Variants in ADAMTS19 observed in about 807,000 individuals in gnomAD.
ADAMTS19 encodes the protein ADAM metallopeptidase with thrombospondin type 1 motif 19.
In ADAMTS19, 93 loss-of-function variants were observed where a neutral mutation model predicts 153.3. The observed-to-expected ratio is 0.61, with a 90% CI of 0.51 to 0.72. ADAMTS19 has a LOEUF of 0.72. ADAMTS19 is among the 30% of genes least tolerant of loss of function. The pLI, the probability that ADAMTS19 is intolerant of heterozygous loss-of-function variation, is 0.00. For missense variants in ADAMTS19, 1,482 were observed against 1,552.1 expected (o/e 0.95, Z 0.76); for synonymous variants, 600 against 556.6 (o/e 1.08, Z -1.10).
chr5:129,613,605 C>G (rs530264801), intron 8 of ADAMTS19, among the ~76,000 whole-genome samples: 1 of 152,024 alleles, frequency 6.6e-6, no homozygotes, highest in Non-Finnish European at 1.5e-5. Context: ...AATTGACACC[C>G]TAACATCACA....
intron 10 of ADAMTS19, among the ~76,000 whole-genome samples, chr5:129,630,406 G>A (rs762842868): frequency 7.2e-5 from 11 of 152,156 alleles, no homozygotes; most frequent in Non-Finnish European, 1.3e-4. Context: ...GTTGACGAAA[G>A]GAGAGACTTA....
chr5:129,481,652 T>G (rs998751059), intron 2 of ADAMTS19, among the ~76,000 whole-genome samples: 1 of 152,182 alleles, frequency 6.6e-6, no homozygotes, highest in Non-Finnish European at 1.5e-5. Context: ...TAGCCCACAT[T>G]TCACCTAGTC....
chr5:129,473,812 G>A (rs1358725566), intron 2 of ADAMTS19, among the ~76,000 whole-genome samples: 4 of 151,946 alleles, frequency 2.6e-5, no homozygotes, highest in Non-Finnish European at 5.9e-5. Flanking sequence ...AGTAAGATAC[G>A]TTCATGGATA....
chr5:129,720,263 C>T (rs145456288), intron 21 of ADAMTS19, among the ~76,000 whole-genome samples: 159 of 151,136 alleles, frequency 1.1e-3, no homozygotes, highest in African/African-American at 3.7e-3. Flanking sequence ...CCTCCGCCTC[C>T]AGGGTTCAAG....
intron 6 of ADAMTS19, among the ~76,000 whole-genome samples, chr5:129,536,839 C>A (rs995688344): frequency 1.3e-5 from 2 of 150,156 alleles, no homozygotes; most frequent in African/African-American, 4.9e-5. Context: ...TGTTCTCACT[C>A]ATAGGTGGGA....
At chr5:129,545,220 T>C (rs1441169268) in intron 6 of ADAMTS19, among the ~76,000 whole-genome samples, 2 of 152,164 alleles carry the variant, frequency 1.3e-5, no homozygotes, top group African/African-American at 4.8e-5. Context: ...ATTTGAAAAC[T>C]GATGAAAATA....
chr5:129,548,250 G>A (rs1752933985), intron 6 of ADAMTS19, among the ~76,000 whole-genome samples: 3 of 149,580 alleles, frequency 2.0e-5, no homozygotes, highest in Admixed American at 2.0e-4. Context: ...CCTACAAAAT[G>A]GGAGAAAATT....
chr5:129,573,237 G>A (rs528476572), intron 7 of ADAMTS19, among the ~76,000 whole-genome samples: 39 of 151,996 alleles, frequency 2.6e-4, no homozygotes, highest in Non-Finnish European at 2.5e-4. Context: ...ATTTTTTGCA[G>A]ATTTTAGTGA....
At chr5:129,717,851 A>G (rs1756800905) in intron 21 of ADAMTS19, among the ~76,000 whole-genome samples, 1 of 152,224 alleles carries the variant, frequency 6.6e-6, no homozygotes, top group African/African-American at 2.4e-5. Flanking sequence ...AACAAAAAAC[A>G]CACAGTTCTC....
At chr5:129,702,949 T>G in intron 20 of ADAMTS19, among the ~76,000 whole-genome samples, 1 of 25,070 alleles carries the variant, frequency 4.0e-5, no homozygotes, top group South Asian at 1.5e-3. Context: ...AAAATATATA[T>G]ATATATATAT....
intron 2 of ADAMTS19, among the ~76,000 whole-genome samples, chr5:129,490,374 C>G (rs547477454): frequency 6.6e-6 from 1 of 152,132 alleles, no homozygotes; most frequent in Non-Finnish European, 1.5e-5. Flanking sequence ...CCTATAACCT[C>G]CAATTTCCTA....
chr5:129,707,652 C>T (rs1375685815), intron 21 of ADAMTS19, among the ~76,000 whole-genome samples: 1 of 152,198 alleles, frequency 6.6e-6, no homozygotes, highest in Non-Finnish European at 1.5e-5. Flanking sequence ...ACACAAATCT[C>T]TTATTCTTAT....
At chr5:129,537,541 G>A (rs1581056046) in intron 6 of ADAMTS19, among the ~76,000 whole-genome samples, 1 of 152,074 alleles carries the variant, frequency 6.6e-6, no homozygotes, top group Admixed American at 6.6e-5. Context: ...GTCCAACAAT[G>A]ATAGACTGGA....
intron 2 of ADAMTS19, among the ~76,000 whole-genome samples, chr5:129,504,473 T>C (rs1751204190): frequency 6.6e-6 from 1 of 152,228 alleles, no homozygotes; most frequent in Non-Finnish European, 1.5e-5. Flanking sequence ...AATCAATTAA[T>C]GTGTCTGTTA....
chr5:129,698,033 T>C (rs1755642682), intron 19 of ADAMTS19, among the ~76,000 whole-genome samples: 1 of 152,184 alleles, frequency 6.6e-6, no homozygotes, highest in Admixed American at 6.5e-5. Flanking sequence ...ACACTATTTA[T>C]TTTTCATTCC....
At chr5:129,702,869 G>A (rs1321614555) in intron 20 of ADAMTS19, among the ~76,000 whole-genome samples, 4 of 141,560 alleles carry the variant, frequency 2.8e-5, no homozygotes, top group African/African-American at 1.1e-4. Flanking sequence ...TTGAAAAAAC[G>A]TCTATTGTTT....
At chr5:129,704,441 A>G (rs1756054268) in intron 21 of ADAMTS19, 50 bp downstream of exon 21, 1 of 1,585,452 alleles carries the variant, frequency 6.3e-7, no homozygotes, top group Non-Finnish European at 8.6e-7. Flanking sequence ...TAATGTCAGC[A>G]TTGCCCTGGG....
chr5:129,566,272 T>C (rs1333647695), intron 7 of ADAMTS19, among the ~76,000 whole-genome samples: 2 of 152,134 alleles, frequency 1.3e-5, no homozygotes, highest in Non-Finnish European at 2.9e-5. Flanking sequence ...ATTTGCATCA[T>C]AGAAAAAAAA....
At chr5:129,487,721 T>A (rs1158334999) in intron 2 of ADAMTS19, among the ~76,000 whole-genome samples, 1 of 152,116 alleles carries the variant, frequency 6.6e-6, no homozygotes, top group Non-Finnish European at 1.5e-5. Flanking sequence ...GAACTCTAAA[T>A]AGCGTAATAT....
Sources: gnomAD v4.1 joint callset for allele counts (sites outside exome capture counted in the v4.1 genomes callset) on GRCh38, gnomAD v4.1.1 for gene constraint, MANE v1.5 for transcripts, NCBI Gene and HGNC (gene_info 2026-07-23, HGNC 2026-07-21) for gene names.